Variants in KHDRBS2 observed in about 807,000 individuals in gnomAD.
KHDRBS2 encodes KH RNA binding domain containing, signal transduction associated 2, also known as KH domain-containing, RNA-binding, signal transduction-associated protein 2.
In KHDRBS2, 26 loss-of-function variants were observed where a neutral mutation model predicts 44.3. The observed-to-expected ratio is 0.59, with a 90% CI of 0.43 to 0.81. KHDRBS2 has a LOEUF of 0.81. KHDRBS2 is among the 40% of genes least tolerant of loss of function. The pLI, the probability that KHDRBS2 is intolerant of heterozygous loss-of-function variation, is 0.00. For missense variants in KHDRBS2, 476 were observed against 433.1 expected, an observed-to-expected ratio of 1.10 and a Z score of -0.88; for synonymous variants, 194 against 151.1, an observed-to-expected ratio of 1.28 and a Z score of -2.08.
chr6:61,642,510 A>AT, the KHDRBS2 span, among the ~76,000 whole-genome samples: 1 of 149,356 alleles, frequency 6.7e-6, no homozygotes, highest in Admixed American at 6.7e-5. Flanking sequence ...AAAAAAAAAA[A>AT]GGTTAGCCGG....
At chr6:61,589,203 G>T in the KHDRBS2 span, among the ~76,000 whole-genome samples, 2 of 152,060 alleles carry the variant, frequency 1.3e-5, no homozygotes, top group African/African-American at 4.8e-5. Flanking sequence ...TAACAAATCT[G>T]CATGTTCAGC....
chr6:61,568,197 A>G, the KHDRBS2 span, among the ~76,000 whole-genome samples: 1 of 152,102 alleles, frequency 6.6e-6, no homozygotes, highest in Non-Finnish European at 1.5e-5. Flanking sequence ...CCATTGATTT[A>G]TGTGTCTGTT....
chr6:61,678,871 C>CA (rs1766087616), downstream of KHDRBS2: 1 of 151,776 alleles, frequency 6.6e-6, no homozygotes, highest in African/African-American at 2.4e-5. Context: ...TCAAATAAGA[C>CA]AAAAAATAAG....
intron 4 of KHDRBS2, among the ~76,000 whole-genome samples, chr6:61,957,872 C>T (rs575013447): frequency 4.2e-4 from 64 of 152,246 alleles, no homozygotes; most frequent in African/African-American, 1.4e-3. Flanking sequence ...GCTCAGGGAG[C>T]ATCATGGAAC....
chr6:61,966,172 A>G (rs1422002999), intron 4 of KHDRBS2, among the ~76,000 whole-genome samples: 1 of 152,040 alleles, frequency 6.6e-6, no homozygotes, highest in Non-Finnish European at 1.5e-5. Flanking sequence ...AATTACACTG[A>G]AAGGTAATGA....
At chr6:61,982,852 T>C (rs1254755897) in intron 3 of KHDRBS2, among the ~76,000 whole-genome samples, 1 of 152,154 alleles carries the variant, frequency 6.6e-6, no homozygotes, top group African/African-American at 2.4e-5. Flanking sequence ...TTTGAAACAG[T>C]ACTGGTTCTT....
intron 3 of KHDRBS2, among the ~76,000 whole-genome samples, chr6:61,993,674 T>TATATATATATATATATATATATA (rs58974944): frequency 1.1e-4 from 9 of 84,314 alleles, no homozygotes; most frequent in East Asian, 4.1e-4. Context: ...TATATATATA[T>TATATATATATATATATATATATA]TTTTTTTTTT....
At chr6:61,654,666 C>T in the KHDRBS2 span, among the ~76,000 whole-genome samples, 19 of 150,844 alleles carry the variant, frequency 1.3e-4, no homozygotes, top group African/African-American at 4.4e-4. Flanking sequence ...TTGTCTCTTT[C>T]ATTACCCATT....
At chr6:62,178,716 T>C (rs1228689627) in intron 1 of KHDRBS2, among the ~76,000 whole-genome samples, 1 of 151,594 alleles carries the variant, frequency 6.6e-6, no homozygotes, top group Non-Finnish European at 1.5e-5. Context: ...ATTACCTTTA[T>C]GTTTTTTATA....
intron 3 of KHDRBS2, among the ~76,000 whole-genome samples, chr6:61,995,825 A>G (rs1584040010): frequency 6.6e-6 from 1 of 152,018 alleles, no homozygotes; most frequent in Middle Eastern, 3.4e-3. Flanking sequence ...TTGATTCACC[A>G]CTCTTCTCCC....
chr6:61,587,105 C>A, the KHDRBS2 span, among the ~76,000 whole-genome samples: 1 of 152,168 alleles, frequency 6.6e-6, no homozygotes, highest in African/African-American at 2.4e-5. Context: ...TACTCCCCCA[C>A]CAACACTCTG....
intron 4 of KHDRBS2, among the ~76,000 whole-genome samples, chr6:61,969,662 G>T (rs1562552651): frequency 6.6e-6 from 1 of 151,534 alleles, no homozygotes. Flanking sequence ...GGAATAAAAA[G>T]AAAAGAACAG....
chr6:62,243,347 G>A (rs1835007057), intron 1 of KHDRBS2, among the ~76,000 whole-genome samples: 1 of 151,988 alleles, frequency 6.6e-6, no homozygotes, highest in East Asian at 1.9e-4. Flanking sequence ...AGTTATATGT[G>A]CTCATGGTTC....
chr6:61,546,433 G>A, the KHDRBS2 span, among the ~76,000 whole-genome samples: 44 of 152,056 alleles, frequency 2.9e-4, no homozygotes, highest in Admixed American at 1.6e-3. Flanking sequence ...ATAGGTTCTT[G>A]GAAACTGTGA....
At chr6:62,249,690 G>A (rs1183023772) in intron 1 of KHDRBS2, among the ~76,000 whole-genome samples, 2 of 151,986 alleles carry the variant, frequency 1.3e-5, no homozygotes, top group Non-Finnish European at 2.9e-5. Context: ...CCGCCTGCTT[G>A]CTGTCCATAT....
At chr6:61,917,485 TA>T (rs1172927242) in intron 4 of KHDRBS2, among the ~76,000 whole-genome samples, 1 of 151,864 alleles carries the variant, frequency 6.6e-6, no homozygotes, top group Non-Finnish European at 1.5e-5. Context: ...TGACAGGGGT[TA>T]GGGGAAGGAT....
chr6:62,016,267 A>G (rs1781187706), intron 3 of KHDRBS2, among the ~76,000 whole-genome samples: 1 of 152,038 alleles, frequency 6.6e-6, no homozygotes, highest in African/African-American at 2.4e-5. Context: ...ACATGTAATA[A>G]TTTTTAGAAA....
chr6:61,930,112 T>A (rs1453386857), intron 4 of KHDRBS2, among the ~76,000 whole-genome samples: 1 of 152,036 alleles, frequency 6.6e-6, no homozygotes, highest in East Asian at 1.9e-4. Flanking sequence ...CTTCTGCCAC[T>A]TAAGGACACA....
intron 7 of KHDRBS2, among the ~76,000 whole-genome samples, chr6:61,729,021 T>G (rs1344654652): frequency 6.6e-6 from 1 of 152,128 alleles, no homozygotes; most frequent in African/African-American, 2.4e-5. Flanking sequence ...TAAAGACACA[T>G]GCACTTGTAT....
Sources: allele counts gnomAD v4.1 joint callset (sites outside exome capture counted in the v4.1 genomes callset), GRCh38; gene constraint gnomAD v4.1.1; transcripts MANE v1.5; gene names NCBI Gene and HGNC (gene_info 2026-07-23, HGNC 2026-07-21).